Variants in CDCA7L observed in about 807,000 individuals in gnomAD.
The protein encoded by CDCA7L is cell division cycle associated 7 like, also known as cell division cycle-associated 7-like protein.
In CDCA7L, 44 loss-of-function variants were observed where a neutral mutation model predicts 57.4. That is an observed-to-expected ratio of 0.77 (90% CI 0.60 to 0.98). CDCA7L has a LOEUF of 0.98. Ranked by LOEUF, CDCA7L falls within the 50% of genes least tolerant of loss-of-function variation. The pLI, the probability that CDCA7L is intolerant of heterozygous loss-of-function variation, is 0.00. For synonymous variants in CDCA7L, 236 were observed against 202.8 expected (o/e 1.16, Z -1.39); for missense variants, 644 against 580.6 (o/e 1.11, Z -1.12).
chr7:21,925,608 G>A (rs1424110640), intron 1 of CDCA7L, among the ~76,000 whole-genome samples: 5 of 152,202 alleles, frequency 3.3e-5, no homozygotes, highest in Non-Finnish European at 5.9e-5. Flanking sequence ...AGGATTATCA[G>A]GCCAAGTGTG....
rs781742118 is a variant in CDCA7L at position 21,905,582 on chromosome 7, G to A, written c.971C>T (p.Pro324Leu). 6.2e-7 allele frequency: 1 copy of A among 1,613,880 alleles called. No individual in the cohort carries two copies. The highest frequency in any genetic ancestry group is 8.5e-7 in the Non-Finnish European group (1 of 1,179,936). Reference protein sequence around the residue: ...RRRHRISSFRPVEDITEEDLE... With the variant: ...RRRHRISSFRLVEDITEEDLE... Reference sequence around the variant, plus strand: ...GTCCTCTTCGGTGATATCCTCCACTGGCCGAAAAGAAGATATACGGTGACG... The same window carrying A: ...GTCCTCTTCGGTGATATCCTCCACTAGCCGAAAAGAAGATATACGGTGACG... Residue 324 changes from proline to leucine, a missense_variant, in exon 7 of 10, where the codon CCA becomes CTA. Transcript: ENST00000406877.
Position 21,901,498 on chromosome 7 carries a change from G to C in CDCA7L, c.*824C>G, listed in dbSNP as rs1279024439. The C allele has an allele frequency of 2.6e-6, 1 of 379,714 alleles. No homozygotes were observed. The highest frequency in any genetic ancestry group is 5.6e-5 in the East Asian group (1 of 17,900). 23.5% of individuals were successfully genotyped at this position (379,714 alleles called of 1,614,324 possible). ...GTAGGAGAATCACTTGAACCTAGGA[G>C]GCAAAGGTTGCAGTGAGCCGAGGTT... On this transcript the variant is annotated 3_prime_UTR_variant, in exon 10 of 10. Coordinates refer to ENST00000406877, the MANE Select transcript of CDCA7L (RefSeq NM_018719.5).
intron 1 of CDCA7L, among the ~76,000 whole-genome samples, chr7:21,933,857 A>C (rs1414463858): frequency 6.6e-6 from 1 of 152,158 alleles, no homozygotes; most frequent in African/African-American, 2.4e-5. Flanking sequence ...AAAGGTCAGA[A>C]AGCAGTAGGA....
At chr7:21,918,204 T>C (rs571222655) in intron 1 of CDCA7L, among the ~76,000 whole-genome samples, 121 of 152,308 alleles carry the variant, frequency 7.9e-4, no homozygotes, top group African/African-American at 2.8e-3. Context: ...AAATTTTTCA[T>C]TATAAAAACT....
At chr7:21,934,857 A>C (rs1786117254) in intron 1 of CDCA7L, among the ~76,000 whole-genome samples, 1 of 152,240 alleles carries the variant, frequency 6.6e-6, no homozygotes, top group Admixed American at 6.5e-5. Context: ...ATTCACTAGA[A>C]GATAGAACAA....
chr7:21,915,657 A>AC (rs1399421950), intron 2 of CDCA7L, among the ~76,000 whole-genome samples: 1,306 of 77,822 alleles, frequency 0.017, 41 homozygotes, highest in Admixed American at 0.12. Context: ...AAAAAAAAAA[A>AC]AACACACACA....
At chr7:21,913,740 G>C in intron 2 of CDCA7L, among the ~76,000 whole-genome samples, 1 of 152,186 alleles carries the variant, frequency 6.6e-6, no homozygotes, top group South Asian at 2.1e-4. Flanking sequence ...CAGTTTTTCT[G>C]GCTATTTTGA....
chr7:21,915,897 AAGG>A (rs1341587502), intron 2 of CDCA7L, among the ~76,000 whole-genome samples: 1 of 152,112 alleles, frequency 6.6e-6, no homozygotes, highest in African/African-American at 2.4e-5. Context: ...AGGTGGTTAG[AAGG>A]AGGTCTACTG....
intron 3 of CDCA7L, among the ~76,000 whole-genome samples, chr7:21,910,622 T>C (rs1004061720): frequency 6.6e-6 from 1 of 152,248 alleles, no homozygotes; most frequent in Non-Finnish European, 1.5e-5. Context: ...ATGTATGCTA[T>C]TTTTAGCAGA....
chr7:21,932,944 A>G (rs1786059789), intron 1 of CDCA7L, among the ~76,000 whole-genome samples: 1 of 146,962 alleles, frequency 6.8e-6, no homozygotes, highest in Non-Finnish European at 1.5e-5. Context: ...AGGAAATTAA[A>G]CAAATTTATA....
chr7:21,908,118 G>C lies in CDCA7L; in HGVS notation c.681+12C>G, dbSNP rs147800695. ...GGTGCCAACTCCCAGGACGCCCTCCGTGAAGCCTCACCATGGCTTTGTTCT... is the reference window on the plus strand; with the variant it reads ...GGTGCCAACTCCCAGGACGCCCTCCCTGAAGCCTCACCATGGCTTTGTTCT... On this transcript the variant is annotated intron_variant, in intron 4 of 9. Transcript: ENST00000406877. 1.3e-6 allele frequency: 2 copies of C among 1,509,744 alleles called. No homozygotes were observed. Among genetic ancestry groups the C allele is most frequent in the South Asian group, 1.3e-5 (1 of 74,260 alleles). 93.5% of individuals were successfully genotyped at this position (1,509,744 alleles called of 1,614,324 possible). A position where few individuals can be genotyped will look rare whatever the true frequency, so the allele number is the denominator to read the frequency against.
At chr7:21,945,602 T>G (rs529032111) in intron 1 of CDCA7L, among the ~76,000 whole-genome samples, 179 bp downstream of exon 1, 7 of 152,072 alleles carry the variant, frequency 4.6e-5, no homozygotes, top group African/African-American at 1.7e-4. Flanking sequence ...AGCACAAACG[T>G]GACCCACTGC....
At position 21,902,127 on chromosome 7, in the gene CDCA7L, T is replaced by C; in HGVS notation, c.*195A>G. 3 of 627,458 alleles carry C rather than the reference T, an allele frequency of 4.8e-6. No homozygotes were observed. The highest frequency in any genetic ancestry group is 3.9e-5 in the South Asian group (2 of 51,046). 38.9% of individuals were successfully genotyped at this position (627,458 alleles called of 1,614,324 possible). ...AGACAGGTCTGTGCATACATCTATA[T>C]AGATTCCTCTGCTCTGCTGTCTTCC... On this transcript the variant is annotated 3_prime_UTR_variant, in exon 10 of 10. Transcript: ENST00000406877.
intron 2 of CDCA7L, 24 bp downstream of exon 2, chr7:21,916,730 C>G (rs1785493824): frequency 6.2e-7 from 1 of 1,610,462 alleles, no homozygotes; most frequent in South Asian, 1.1e-5. Context: ...ATGAACACAT[C>G]TGCTTGGAAG....
intron 1 of CDCA7L, among the ~76,000 whole-genome samples, chr7:21,943,638 GCA>G (rs1786415624): frequency 6.6e-6 from 1 of 151,856 alleles, no homozygotes; most frequent in South Asian, 2.1e-4. Flanking sequence ...TATAATCTGT[GCA>G]CATTTAAATT....
chr7:21,902,480 T>TGACAATTTATGCATCAATATCC, intron 9 of CDCA7L, 128 bp from the exon 10 acceptor site: 2 of 866,114 alleles, frequency 2.3e-6, no homozygotes, highest in South Asian at 2.8e-5. Context: ...CTCGAAATCC[T>TGACAATTTATGCATCAATATCC]GACAATTTAT....
intron 8 of CDCA7L, 29 bp downstream of exon 8, chr7:21,904,081 T>C: frequency 6.5e-7 from 1 of 1,548,076 alleles, no homozygotes. Context: ...ACCAATACAA[T>C]TTACAACAAA....
Position 21,905,601 on chromosome 7 carries a change from G to T in CDCA7L, c.952C>A (p.Arg318Ser), listed in dbSNP as rs368758057. 8.1e-6 allele frequency: 13 copies of T among 1,613,848 alleles called. No individual in the cohort carries two copies. The highest frequency in any genetic ancestry group is 1.1e-5 in the Non-Finnish European group (13 of 1,179,968). Residue 318 changes from arginine (R) to serine (S), a missense_variant, in exon 7 of 10, where the codon CGT (arginine) becomes AGT (serine). By Grantham distance (110) the Arg-to-Ser change is moderately radical. Coordinates refer to ENST00000406877, the MANE Select transcript of CDCA7L (RefSeq NM_018719.5). ...GKCREYRRRH[R>S]ISSFRPVEDI... ...TCCACTGGCCGAAAAGAAGATATAC[G>T]GTGACGTCGTCTGTACTCCCGGCAT... is the stretch of plus-strand genomic sequence containing the variant.
chr7:21,926,700 C>A (rs1477448766), intron 1 of CDCA7L, among the ~76,000 whole-genome samples: 1 of 89,498 alleles, frequency 1.1e-5, no homozygotes, highest in Non-Finnish European at 3.2e-5. Context: ...AAGACCCCAT[C>A]TCAAAAAAAA....
Sources: allele counts gnomAD v4.1 joint callset (sites outside exome capture counted in the v4.1 genomes callset), GRCh38; gene constraint gnomAD v4.1.1; transcripts MANE v1.5; gene names NCBI Gene and HGNC (gene_info 2026-07-23, HGNC 2026-07-21).